The following EXOC4 variants were observed in gnomAD, a reference collection of about 807,000 sequenced individuals.
The protein encoded by EXOC4 is SEC8-like 1.
Under a neutral mutation model 107.2 loss-of-function variants are expected in EXOC4, and 71 were observed. That is an observed-to-expected ratio of 0.66 (90% confidence interval 0.55 to 0.81). The LOEUF is 0.81. Among genes scored for constraint, EXOC4 ranks in the 30% least tolerant of loss-of-function variants. The pLI is 0.00. For synonymous variants in EXOC4, 456 were observed against 441.2 expected (o/e 1.03, Z -0.42); for missense variants, 1,108 against 1,189.6 (o/e 0.93, Z 1.01).
chr7:133,502,532 G>A (rs1168608656), intron 9 of EXOC4, among the ~76,000 whole-genome samples: 1 of 152,002 alleles, frequency 6.6e-6, no homozygotes, highest in African/African-American at 2.4e-5. Flanking sequence ...TTGCTTTTTT[G>A]TGTGTGGGGG....
intron 10 of EXOC4, among the ~76,000 whole-genome samples, chr7:133,662,146 CA>C (rs1793709527): frequency 1.3e-5 from 2 of 152,194 alleles, no homozygotes; most frequent in South Asian, 2.1e-4. Context: ...GGGCGAGATT[CA>C]AAGGCAAACA....
intron 17 of EXOC4, among the ~76,000 whole-genome samples, chr7:134,038,836 C>G (rs762877423): frequency 2.0e-5 from 3 of 152,188 alleles, no homozygotes; most frequent in Non-Finnish European, 2.9e-5. Flanking sequence ...GAAACAAGCT[C>G]TTCCTAGGTC....
At chr7:133,878,142 A>G (rs914864597) in intron 11 of EXOC4, among the ~76,000 whole-genome samples, 8 of 152,214 alleles carry the variant, frequency 5.3e-5, no homozygotes, top group African/African-American at 1.9e-4. Flanking sequence ...TGCATTATCA[A>G]GATAGCATTA....
At chr7:133,933,634 T>C (rs1800230586) in intron 13 of EXOC4, among the ~76,000 whole-genome samples, 1 of 152,228 alleles carries the variant, frequency 6.6e-6, no homozygotes, top group Non-Finnish European at 1.5e-5. Flanking sequence ...GTGGAAATAA[T>C]ACTGTCCAGT....
intron 9 of EXOC4, among the ~76,000 whole-genome samples, chr7:133,596,920 T>C (rs1465615840): frequency 2.0e-5 from 3 of 152,142 alleles, no homozygotes; most frequent in Admixed American, 1.3e-4. Context: ...CGGCCTCCCA[T>C]GAAGCATCCA....
Position 134,064,307 on chromosome 7 carries a change from C to G in EXOC4, c.2704C>G (p.Leu902Val). The change falls in exon 18 of 18, where the codon CTT becomes GTT. Residue 902 changes from leucine to valine, a missense_variant. By Grantham distance (32) the Leu-to-Val change is conservative. Transcript: ENST00000253861. Reference protein sequence around the residue: ...LDFARQYYEMLYNTADELLNL... With the variant: ...LDFARQYYEMVYNTADELLNL... ...CTTTCTCAGGCAGTACTACGAGATG[C>G]TTTACAACACAGCTGACGAGCTCCT... The G allele has an allele frequency of 6.8e-7, 1 of 1,470,862 alleles. No homozygotes were observed. Among genetic ancestry groups the G allele is most frequent in the Non-Finnish European group, 9.1e-7 (1 of 1,101,782 alleles). 91.1% of individuals were successfully genotyped at this position (1,470,862 alleles called of 1,614,324 possible).
intron 17 of EXOC4, among the ~76,000 whole-genome samples, chr7:134,063,899 A>G (rs1268414889): frequency 6.6e-6 from 1 of 152,218 alleles, no homozygotes; most frequent in Non-Finnish European, 1.5e-5. Flanking sequence ...AAAACCTCCA[A>G]TGAATAATGA....
chr7:133,501,654 A>T (rs914269404), intron 9 of EXOC4, among the ~76,000 whole-genome samples: 3 of 152,094 alleles, frequency 2.0e-5, no homozygotes, highest in Non-Finnish European at 4.4e-5. Flanking sequence ...AAACCTCTTT[A>T]AAAAAATGAT....
intron 7 of EXOC4, among the ~76,000 whole-genome samples, chr7:133,408,518 G>A (rs569203638): frequency 8.7e-4 from 133 of 152,030 alleles, no homozygotes; most frequent in African/African-American, 3.0e-3. Context: ...GGGATTGGTA[G>A]TGATGATGGA....
At chr7:133,910,758 A>C (rs751695727) in intron 12 of EXOC4, among the ~76,000 whole-genome samples, 3 of 152,198 alleles carry the variant, frequency 2.0e-5, no homozygotes, top group Non-Finnish European at 4.4e-5. Context: ...ACTTTGGACC[A>C]GTCTTGTCCA....
intron 7 of EXOC4, among the ~76,000 whole-genome samples, chr7:133,456,415 A>G (rs1036427313): frequency 2.6e-5 from 4 of 152,188 alleles, no homozygotes; most frequent in African/African-American, 9.7e-5. Context: ...TGTTGCCTTT[A>G]TGGAGCACAC....
chr7:133,347,805 T>A (rs1795820720), intron 5 of EXOC4, among the ~76,000 whole-genome samples: 1 of 152,068 alleles, frequency 6.6e-6, no homozygotes, highest in Non-Finnish European at 1.5e-5. Context: ...GTAGAAATAA[T>A]TGGTTAAAGG....
intron 17 of EXOC4, among the ~76,000 whole-genome samples, chr7:134,030,141 G>A (rs1029974060): frequency 1.3e-5 from 2 of 152,144 alleles, no homozygotes; most frequent in African/African-American, 2.4e-5. Flanking sequence ...AGTAATGGGA[G>A]CAGAACTTTG....
At chr7:133,845,985 A>T (rs924841896) in intron 11 of EXOC4, among the ~76,000 whole-genome samples, 1 of 152,050 alleles carries the variant, frequency 6.6e-6, no homozygotes, top group Non-Finnish European at 1.5e-5. Context: ...CTTTGCAATG[A>T]ATTCTGTAAT....
At chr7:133,674,071 G>T (rs1399090905) in intron 10 of EXOC4, among the ~76,000 whole-genome samples, 6 of 152,144 alleles carry the variant, frequency 3.9e-5, no homozygotes, top group Admixed American at 3.9e-4. Flanking sequence ...AAACTCTCCA[G>T]ATTTTAAACC....
chr7:133,469,370 C>T (rs1226013998), intron 7 of EXOC4, among the ~76,000 whole-genome samples: 4 of 151,902 alleles, frequency 2.6e-5, no homozygotes, highest in Non-Finnish European at 4.4e-5. Context: ...GAGCCGAGAT[C>T]GTGCCACTGC....
At chr7:133,640,872 C>G (rs67036311) in intron 10 of EXOC4, among the ~76,000 whole-genome samples, 13 of 14,038 alleles carry the variant, frequency 9.3e-4, no homozygotes, top group African/African-American at 3.0e-3. Flanking sequence ...CTCTCTCTCT[C>G]TTTTTTTTTT....
intron 17 of EXOC4, among the ~76,000 whole-genome samples, chr7:134,033,110 G>A (rs1196785087): frequency 6.6e-6 from 1 of 152,062 alleles, no homozygotes; most frequent in African/African-American, 2.4e-5. Context: ...AAGTAGTTGG[G>A]GAAAAGGAAA....
intron 9 of EXOC4, among the ~76,000 whole-genome samples, chr7:133,564,861 A>G (rs1227129052): frequency 1.3e-5 from 2 of 152,162 alleles, no homozygotes; most frequent in African/African-American, 4.8e-5. Flanking sequence ...CGTGGAACTG[A>G]ACCTTGAGGC....
Sources: gnomAD v4.1 joint callset for allele counts (sites outside exome capture counted in the v4.1 genomes callset) on GRCh38, gnomAD v4.1.1 for gene constraint, MANE v1.5 for transcripts, NCBI Gene and HGNC (gene_info 2026-07-23, HGNC 2026-07-21) for gene names.